KIF13A: variants seen among roughly 807,000 people sequenced by gnomAD.
KIF13A encodes the protein kinesin family member 13A, also known as kinesin-like protein KIF13A.
A neutral mutation model predicts 212.2 loss-of-function variants in KIF13A; 79 were observed. The observed-to-expected ratio is 0.37, with a 90% CI of 0.31 to 0.45. KIF13A has a LOEUF of 0.45. KIF13A is among the 20% of genes least tolerant of loss of function. The pLI is 1.00. For missense variants in KIF13A, 1,901 were observed against 2,209.0 expected (o/e 0.86, Z 2.79); for synonymous variants, 789 against 808.6 (o/e 0.98, Z 0.41).
chr6:17,949,853 TTAAGAGA>T (rs1777712563), intron 2 of KIF13A, among the ~76,000 whole-genome samples: 1 of 152,000 alleles, frequency 6.6e-6, no homozygotes, highest in Admixed American at 6.6e-5. Context: ...CTAAACAGAG[TTAAGAGA>T]TAACAAATGC....
chr6:17,813,947 GCTTT>G (rs1763669176), intron 17 of KIF13A, among the ~76,000 whole-genome samples: 1 of 120,190 alleles, frequency 8.3e-6, no homozygotes, highest in Non-Finnish European at 1.6e-5. Flanking sequence ...GTAAGGTGCT[GCTTT>G]TTTTTTTTTT....
rs1763193852 is a variant in KIF13A at position 17,808,792 on chromosome 6, A to G, written c.2139T>C (p.Ala713=). The G allele has an allele frequency of 6.2e-7, 1 of 1,613,730 alleles. No homozygotes were observed. Among genetic ancestry groups the G allele is most frequent in the African/African-American group, 1.3e-5 (1 of 75,054 alleles). Residue 713 remains alanine (A), a synonymous_variant, in exon 18 of 39, where the codon GCT becomes GCC. Transcript: ENST00000259711. ...TDYQVTLQIP[A]ANLSANRKRG... Reference sequence around the variant, plus strand: ...CCTTCCTATTGGCACTGAGGTTTGCAGCAGGGATCTGAAGAGTCACTTGGT... The same window carrying G: ...CCTTCCTATTGGCACTGAGGTTTGCGGCAGGGATCTGAAGAGTCACTTGGT...
At chr6:17,763,090 C>T (rs981897507), downstream of KIF13A, among the ~76,000 whole-genome samples, 3 of 152,220 alleles carry the variant, frequency 2.0e-5, no homozygotes, top group African/African-American at 7.2e-5. Context: ...AATGGTGGTA[C>T]TTCAGAGCAG....
chr6:17,951,186 G>T lies in KIF13A; in HGVS notation c.146+35868C>A. On this transcript the variant is annotated intron_variant, in intron 2 of 38. Coordinates refer to ENST00000259711, the MANE Select transcript of KIF13A (RefSeq NM_022113.6). This position sits in a 1 kb window ranked among gnomAD's most constrained non-coding sequence, Gnocchi z 4.9. ...TTTATTTTTTTGAAGACAGGGTCTG[G>T]CTCTGTCACCCAGGCTGGCGTGCAG... 6 of 1,229,628 alleles carry T rather than the reference G, an allele frequency of 4.9e-6. No homozygotes were observed. The highest frequency in any genetic ancestry group is 6.1e-6 in the Non-Finnish European group (6 of 976,594). 76.2% of individuals were successfully genotyped at this position (1,229,628 alleles called of 1,614,324 possible). A position where few individuals can be genotyped will look rare whatever the true frequency, so the allele number is the denominator to read the frequency against.
At chr6:17,946,340 C>T (rs1777394772) in intron 2 of KIF13A, among the ~76,000 whole-genome samples, 1 of 151,730 alleles carries the variant, frequency 6.6e-6, no homozygotes, top group African/African-American at 2.4e-5. Context: ...ATAAATAAAA[C>T]CAAGCAAAAA....
rs61281213 is a variant in KIF13A at position 17,833,014 on chromosome 6, C to CAAAAAA, written c.1266+941_1266+946dup. Among the ~76,000 whole-genome samples, 49 of 75,398 alleles carry CAAAAAA rather than the reference C, an allele frequency of 6.5e-4. 2 individuals are homozygous for CAAAAAA. Among genetic ancestry groups the CAAAAAA allele is most frequent in the African/African-American group, 3.0e-3 (45 of 14,804 alleles). The allele number at this position is 75,398 out of a possible 152,430, so 49.5% of individuals were successfully genotyped here. ...GGGCGACAGAGAGAGACTCTGTCTG[C>CAAAAAA]AAAAAAAAAAAAAAAAAAAAAAAAA... On this transcript the variant is annotated intron_variant, in intron 12 of 38. Coordinates refer to ENST00000259711, the MANE Select transcript of KIF13A (RefSeq NM_022113.6).
At chr6:17,851,629 A>T (rs995976885) in intron 7 of KIF13A, among the ~76,000 whole-genome samples, 2 of 152,258 alleles carry the variant, frequency 1.3e-5, no homozygotes, top group Non-Finnish European at 2.9e-5. Context: ...TAACTGCCAA[A>T]TACTGTTTAG....
At chr6:17,835,641 A>G (rs1170021617) in intron 11 of KIF13A, among the ~76,000 whole-genome samples, 1 of 152,200 alleles carries the variant, frequency 6.6e-6, no homozygotes, top group African/African-American at 2.4e-5. Context: ...AAAACACAGC[A>G]TCTTGTACTT....
Position 17,967,243 on chromosome 6 carries a change from T to G in KIF13A, c.146+19811A>C, listed in dbSNP as rs1484470566. ...ATAGTGCTACCGCCTCAAGGCAATA[T>G]GCAATTGCTGTGTTTTCATAATCTT... is the stretch of plus-strand genomic sequence containing the variant. On this transcript the variant is annotated intron_variant, in intron 2 of 38. Transcript: ENST00000259711. The surrounding 1 kb of genome is among the most constrained non-coding windows in gnomAD (Gnocchi z 4.1). Among the ~76,000 whole-genome samples, 1 of 152,212 alleles carries G rather than the reference T, an allele frequency of 6.6e-6. No homozygotes were observed. Among genetic ancestry groups the G allele is most frequent in the Non-Finnish European group, 1.5e-5 (1 of 68,040 alleles).
chr6:17,821,763 G>A, intron 16 of KIF13A: 1 of 1,534,948 alleles, frequency 6.5e-7, no homozygotes, highest in South Asian at 1.2e-5. Flanking sequence ...GCTCCCTCAT[G>A]CCAATGCCAA....
intron 31 of KIF13A, 108 bp downstream of exon 31, chr6:17,780,622 G>T: frequency 2.0e-6 from 2 of 984,656 alleles, no homozygotes; most frequent in South Asian, 1.6e-5. Context: ...TGGCCAGGAT[G>T]GTCATGTTTT....
chr6:17,979,570 C>T (rs538223293), intron 2 of KIF13A, among the ~76,000 whole-genome samples: 43 of 152,076 alleles, frequency 2.8e-4, no homozygotes, highest in African/African-American at 8.7e-4. Flanking sequence ...CATGTATAGT[C>T]CTTGCCCTGG....
intron 3 of KIF13A, among the ~76,000 whole-genome samples, chr6:17,885,576 A>G (rs996378772): frequency 2.0e-5 from 3 of 152,232 alleles, no homozygotes; most frequent in Non-Finnish European, 4.4e-5. Context: ...GAAAACAACT[A>G]TCCTTGGAAA....
At chr6:17,930,008 T>C (rs1411982281) in intron 2 of KIF13A, among the ~76,000 whole-genome samples, 1 of 152,216 alleles carries the variant, frequency 6.6e-6, no homozygotes, top group Non-Finnish European at 1.5e-5. Flanking sequence ...TCACTGAACC[T>C]TAAGTCAAAC....
At chr6:17,928,148 G>A (rs1460153773) in intron 2 of KIF13A, among the ~76,000 whole-genome samples, 1 of 152,198 alleles carries the variant, frequency 6.6e-6, no homozygotes, top group African/African-American at 2.4e-5. Flanking sequence ...TGAAGTCTGT[G>A]AAGCTAGTCA....
rs1457033775 is a variant in KIF13A at position 17,951,463 on chromosome 6, G to C, written c.146+35591C>G. The C allele has an allele frequency of 1.8e-6, 1 of 549,208 alleles. No individual in the cohort carries two copies. Among genetic ancestry groups the C allele is most frequent in the African/African-American group, 2.0e-5 (1 of 51,112 alleles). The allele number at this position is 549,208 out of a possible 1,614,324, so 34.0% of individuals were successfully genotyped here. A position where few individuals can be genotyped will look rare whatever the true frequency, so the allele number is the denominator to read the frequency against. Reference sequence around the variant, plus strand: ...AAAAAAAAAAAAAAAACAGCTTTAAGATATAATTTATATACCATACAATTT... The same window carrying C: ...AAAAAAAAAAAAAAAACAGCTTTAACATATAATTTATATACCATACAATTT... On this transcript the variant is annotated intron_variant, in intron 2 of 38. Coordinates refer to ENST00000259711, the MANE Select transcript of KIF13A (RefSeq NM_022113.6). This position sits in a 1 kb window ranked among gnomAD's most constrained non-coding sequence, Gnocchi z 4.9.
intron 2 of KIF13A, among the ~76,000 whole-genome samples, chr6:17,954,639 C>G (rs1445441040): frequency 6.6e-6 from 1 of 152,084 alleles, no homozygotes; most frequent in Non-Finnish European, 1.5e-5. Flanking sequence ...ACTAAATTGT[C>G]TATTACATGC....
chr6:17,968,682 G>A lies in KIF13A; in HGVS notation c.146+18372C>T, dbSNP rs185062991. On this transcript the variant is annotated intron_variant, in intron 2 of 38. Coordinates refer to ENST00000259711, the MANE Select transcript of KIF13A (RefSeq NM_022113.6). The surrounding 1 kb of genome is among the most constrained non-coding windows in gnomAD (Gnocchi z 4.7). Reference sequence around the variant, plus strand: ...CTGGACCAACCATTACTTATCTCATGTAGTCCTAAGCAGCTACAGCCTCTG... The same window carrying A: ...CTGGACCAACCATTACTTATCTCATATAGTCCTAAGCAGCTACAGCCTCTG... Among the ~76,000 whole-genome samples the A allele has an allele frequency of 5.3e-4, 80 of 152,318 alleles. No homozygotes were observed. Among genetic ancestry groups the A allele is most frequent in the African/African-American group, 1.8e-3 (74 of 41,566 alleles).
chr6:17,960,296 T>C (rs1778705038), intron 2 of KIF13A, among the ~76,000 whole-genome samples: 1 of 152,092 alleles, frequency 6.6e-6, no homozygotes, highest in Non-Finnish European at 1.5e-5. Context: ...GTATAAAAAA[T>C]AATTTTGGAT....
Sources: gnomAD v4.1 joint callset for allele counts (sites outside exome capture counted in the v4.1 genomes callset) on GRCh38, gnomAD v4.1.1 for gene constraint, Gnocchi (gnomAD v3.1) non-coding constraint, MANE v1.5 for transcripts, NCBI Gene and HGNC (gene_info 2026-07-23, HGNC 2026-07-21) for gene names.